ARHGAP20: variants seen among roughly 807,000 people sequenced by gnomAD.
ARHGAP20 encodes the protein rho GTPase-activating protein 20.
ARHGAP20 carries 34 observed loss-of-function variants against 73.7 expected under a neutral mutation model. The observed-to-expected ratio is 0.46, with a 90% CI of 0.35 to 0.61. ARHGAP20 has a LOEUF of 0.61. Ranked by LOEUF, ARHGAP20 falls within the 20% of genes least tolerant of loss-of-function variation. The pLI is 0.00. For synonymous variants in ARHGAP20, 523 were observed against 518.2 expected (o/e 1.01, Z -0.13); for missense variants, 1,314 against 1,420.9 (o/e 0.92, Z 1.21).
chr11:110,635,044 C>G (rs1948937051), intron 2 of ARHGAP20, among the ~76,000 whole-genome samples: 1 of 151,856 alleles, frequency 6.6e-6, no homozygotes, highest in Admixed American at 6.6e-5. Flanking sequence ...GACTTGTCAC[C>G]TCAATTATCA....
At chr11:110,615,683 T>A in intron 4 of ARHGAP20, 89 bp from the exon 5 acceptor site, 1 of 1,194,850 alleles carries the variant, frequency 8.4e-7, no homozygotes, top group Non-Finnish European at 1.2e-6. Flanking sequence ...GATGAAAATA[T>A]CAACAACCTG....
chr11:110,580,057 G>A lies in ARHGAP20; in HGVS notation c.2889C>T (p.His963=), dbSNP rs1408679292. The A allele has an allele frequency of 6.2e-7, 1 of 1,614,230 alleles. No homozygotes were observed. The highest frequency in any genetic ancestry group is 8.5e-7 in the Non-Finnish European group (1 of 1,180,032). The change falls in exon 15 of 15, where the codon CAC becomes CAT. Residue 963 remains histidine (H), a synonymous_variant. Transcript: ENST00000683387. The part of the protein sequence containing the change: ...QDSAFSQISE[H]SVFTPTETSS... Reference sequence around the variant, plus strand: ...AAGTCTCAGTGGGTGTAAACACAGAGTGTTCAGAAATCTGAGAAAAAGCAC... The same window carrying A: ...AAGTCTCAGTGGGTGTAAACACAGAATGTTCAGAAATCTGAGAAAAAGCAC...
At chr11:110,591,653 A>C (rs1291545083) in intron 10 of ARHGAP20, among the ~76,000 whole-genome samples, 1 of 152,234 alleles carries the variant, frequency 6.6e-6, no homozygotes, top group Non-Finnish European at 1.5e-5. Context: ...CTGTTGCTAC[A>C]ATGATCAAAG....
intron 2 of ARHGAP20, among the ~76,000 whole-genome samples, chr11:110,671,870 A>G (rs1478589880): frequency 6.6e-6 from 1 of 152,166 alleles, no homozygotes; most frequent in African/African-American, 2.4e-5. Flanking sequence ...CAAAGGTTCC[A>G]GAGTGAAAAC....
chr11:110,607,138 C>T (rs1005371473), intron 8 of ARHGAP20, among the ~76,000 whole-genome samples: 1 of 152,126 alleles, frequency 6.6e-6, no homozygotes, highest in Non-Finnish European at 1.5e-5. Context: ...CTTGCTCAGT[C>T]TCAAATCTAT....
intron 2 of ARHGAP20, among the ~76,000 whole-genome samples, chr11:110,650,399 AAT>A (rs1190369279): frequency 6.6e-6 from 1 of 152,166 alleles, no homozygotes; most frequent in Non-Finnish European, 1.5e-5. Context: ...TGGTGCTACA[AAT>A]AATTTTTAAT....
chr11:110,695,004 G>T (rs1950309624), intron 1 of ARHGAP20, among the ~76,000 whole-genome samples: 1 of 151,642 alleles, frequency 6.6e-6, no homozygotes, highest in Admixed American at 6.6e-5. Context: ...GACAGCAAGA[G>T]TATACCTGTG....
intron 6 of ARHGAP20, among the ~76,000 whole-genome samples, chr11:110,612,266 A>C (rs1023135750): frequency 6.6e-6 from 1 of 151,324 alleles, no homozygotes; most frequent in African/African-American, 2.4e-5. Context: ...AAAAAAAAAA[A>C]TACAAAAAAA....
At chr11:110,616,670 T>A (rs753939745) in intron 4 of ARHGAP20, among the ~76,000 whole-genome samples, 4 of 150,368 alleles carry the variant, frequency 2.7e-5, no homozygotes, top group Non-Finnish European at 4.4e-5. Context: ...CATCAGAAAG[T>A]GTACCACATT....
intron 9 of ARHGAP20, among the ~76,000 whole-genome samples, chr11:110,597,563 G>T (rs1305883966): frequency 6.6e-6 from 1 of 152,086 alleles, no homozygotes; most frequent in Non-Finnish European, 1.5e-5. Context: ...CTCCCAAAGT[G>T]CTGGGATTAC....
At chr11:110,647,782 A>T (rs1479854927) in intron 2 of ARHGAP20, among the ~76,000 whole-genome samples, 1 of 152,112 alleles carries the variant, frequency 6.6e-6, no homozygotes, top group Non-Finnish European at 1.5e-5. Flanking sequence ...TCACTATAAC[A>T]GATAAATAAA....
intron 6 of ARHGAP20, among the ~76,000 whole-genome samples, chr11:110,614,091 G>T (rs1443203580): frequency 6.6e-6 from 1 of 151,954 alleles, no homozygotes; most frequent in Non-Finnish European, 1.5e-5. Context: ...TAACCTAAGG[G>T]ATTCAATCCC....
intron 2 of ARHGAP20, among the ~76,000 whole-genome samples, chr11:110,657,643 C>T (rs556763979): frequency 1.3e-5 from 2 of 152,100 alleles, no homozygotes; most frequent in Admixed American, 1.3e-4. Flanking sequence ...CCTGTAAATC[C>T]TAGCACTTTG....
chr11:110,592,617 G>A (rs992390923), intron 9 of ARHGAP20, among the ~76,000 whole-genome samples: 1 of 152,148 alleles, frequency 6.6e-6, no homozygotes, highest in African/African-American at 2.4e-5. Flanking sequence ...GGAAGGGGAA[G>A]TAGGAGTAAG....
intron 1 of ARHGAP20, among the ~76,000 whole-genome samples, chr11:110,708,799 T>G (rs1320514804): frequency 6.6e-6 from 1 of 152,200 alleles, no homozygotes; most frequent in South Asian, 2.1e-4. Context: ...TTAGCTAAAC[T>G]GTGGAGATGT....
At chr11:110,582,260 C>T (rs1260509742) in intron 14 of ARHGAP20, 61 bp downstream of exon 14, 1 of 1,367,138 alleles carries the variant, frequency 7.3e-7, no homozygotes, top group Admixed American at 1.7e-5. Context: ...CCTATCCCAG[C>T]ACGTTTACAA....
intron 4 of ARHGAP20, among the ~76,000 whole-genome samples, chr11:110,615,879 A>C (rs1948472030): frequency 6.6e-6 from 1 of 152,196 alleles, no homozygotes; most frequent in African/African-American, 2.4e-5. Context: ...GTATTATATC[A>C]GTGTGAGAGA....
chr11:110,645,414 G>A (rs1444394380), intron 2 of ARHGAP20, among the ~76,000 whole-genome samples: 1 of 152,074 alleles, frequency 6.6e-6, no homozygotes, highest in African/African-American at 2.4e-5. Context: ...AAACCACAGT[G>A]AGATACTATC....
chr11:110,704,579 A>G (rs1950518533), intron 1 of ARHGAP20, among the ~76,000 whole-genome samples: 1 of 152,112 alleles, frequency 6.6e-6, no homozygotes, highest in African/African-American at 2.4e-5. Context: ...AAACTGGGCT[A>G]TATTGCCTAC....
Sources: gnomAD v4.1 joint callset for allele counts (sites outside exome capture counted in the v4.1 genomes callset) on GRCh38, gnomAD v4.1.1 for gene constraint, MANE v1.5 for transcripts, NCBI Gene and HGNC (gene_info 2026-07-23, HGNC 2026-07-21) for gene names.